The following RNF223 variants were observed in gnomAD, a reference collection of about 807,000 sequenced individuals.
RNF223 encodes ring finger protein 223.
RNF223 carries 10 observed loss-of-function variants against 13.9 expected under a neutral mutation model. The ratio of observed to expected loss-of-function variants is 0.72; its 90% CI spans 0.44 to 1.22. The LOEUF (loss-of-function observed/expected upper bound fraction) is 1.22, where lower values mean the gene tolerates loss of function less well. Among genes scored for constraint, RNF223 ranks in the 50% most tolerant of loss-of-function variants. RNF223 has a pLI of 0.00. For missense variants in RNF223, 379 were observed against 380.0 expected (o/e 1.00, Z 0.02); for synonymous variants, 168 against 173.3 (o/e 0.97, Z 0.24).
Position 1,071,946 on chromosome 1 carries a change from G to C in RNF223, c.621C>G (p.Leu207=), listed in dbSNP as rs918672795. Residue 207 remains leucine, a synonymous_variant, in exon 2 of 2, where the codon CTC becomes CTG. Transcript: ENST00000453464. ...GCACCGGCCAGAGTGCCACACAGAA[G>C]AGCATCAGCAGCAGGGCAGAGACCA... ...MALVSALLLM[L]FCVALWPVQC... The C allele has an allele frequency of 6.5e-7, 1 of 1,534,132 alleles. No homozygotes were observed. Among genetic ancestry groups the C allele is most frequent in the African/African-American group, 1.4e-5 (1 of 72,966 alleles).
At position 1,071,875 on chromosome 1, in the gene RNF223, G is replaced by A. The variant is rs534034872; in HGVS notation, c.692C>T (p.Pro231Leu). 20 of 1,529,862 alleles carry A rather than the reference G, an allele frequency of 1.3e-5. No homozygotes were observed. Among genetic ancestry groups the A allele is most frequent in the African/African-American group, 5.5e-5 (4 of 72,658 alleles). The allele number at this position is 1,529,862 out of a possible 1,614,324, so 94.8% of individuals were successfully genotyped here. A position where few individuals can be genotyped will look rare whatever the true frequency, so the allele number is the denominator to read the frequency against. ...GGCTGTGCTGGTGGCCGGGGGCCGG[G>A]GGGGCAGGGGCAGGCAGCGCAGGTT... Reference protein sequence around the residue: ...TGNLRCLPLPPRPPATSTAAS... With the variant: ...TGNLRCLPLPLRPPATSTAAS... Residue 231 changes from proline (P) to leucine (L), a missense_variant, in exon 2 of 2, where the codon CCC becomes CTC. Coordinates refer to ENST00000453464, the MANE Select transcript of RNF223 (RefSeq NM_001205252.2).
Position 1,071,823 on chromosome 1 carries a change from A to G in RNF223, c.744T>C (p.Asp248=), listed in dbSNP as rs4633229. The change falls in exon 2 of 2, where the codon GAT becomes GAC. Residue 248 remains aspartate, a synonymous_variant. Transcript: ENST00000453464. The part of the protein sequence containing the change: ...TAASPLGPLT[D]N ...TGGGCAGAGGCTGCTGGCCCTAATT[A>G]TCAGTCAGAGGCCCGAGGGGGGAGG... 0.79 allele frequency: 1,177,611 copies of G among 1,495,962 alleles called. 464,895 individuals carry two copies. Among genetic ancestry groups the G allele is most frequent in the East Asian group, 0.92 (35,123 of 38,336 alleles). 92.7% of individuals were successfully genotyped at this position (1,495,962 alleles called of 1,614,324 possible). A position where few individuals can be genotyped will look rare whatever the true frequency, so the allele number is the denominator to read the frequency against.
Position 1,071,872 on chromosome 1 carries a change from C to CGGGGGGGG in RNF223, c.694_695insCCCCCCCC (p.Arg232ProfsTer18). 9.1e-7 allele frequency: 1 copy of CGGGGGGGG among 1,098,460 alleles called. No homozygotes were observed. The allele number at this position is 1,098,460 out of a possible 1,614,324, so 68.0% of individuals were successfully genotyped here. On this transcript the variant is annotated frameshift_variant, in exon 2 of 2. Coordinates refer to ENST00000453464, the MANE Select transcript of RNF223 (RefSeq NM_001205252.2). LOFTEE classifies it high-confidence loss of function. ...GGCGGCTGTGCTGGTGGCCGGGGGC[C>CGGGGGGGG]GGGGGGGCAGGGGCAGGCAGCGCAG...
intron 1 of RNF223, among the ~76,000 whole-genome samples, chr1:1,072,942 C>A (rs947015350): frequency 2.6e-5 from 4 of 152,242 alleles, no homozygotes; most frequent in African/African-American, 4.8e-5. Flanking sequence ...TAGCCACAGT[C>A]GTCACTGTTT....
At chr1:1,072,688 C>G (rs919760185) in intron 1 of RNF223, 113 bp from the exon 2 acceptor site, 8 of 900,426 alleles carry the variant, frequency 8.9e-6, no homozygotes, top group African/African-American at 1.7e-5. Context: ...CTGTTTCCTG[C>G]GCGCCACTCC....
Position 1,074,132 on chromosome 1 carries a change from C to G in RNF223, c.-126G>C, listed in dbSNP as rs935952357. 6.6e-6 allele frequency: 1 copy of G among 152,304 alleles called. No individual in the cohort carries two copies. The allele number at this position is 152,304 out of a possible 1,614,324, so 9.4% of individuals were successfully genotyped here. ...TCTGCTTCCTCTTCTCCGGGCCCGG[C>G]CCGGCCTGTGCTTCACCCAGCAGGT... On this transcript the variant is annotated 5_prime_UTR_variant, in exon 1 of 2. Transcript: ENST00000453464.
At position 1,071,999 on chromosome 1, in the gene RNF223, G is replaced by A. The variant is rs1252970879; in HGVS notation, c.568C>T (p.Arg190Cys). The change falls in exon 2 of 2, where the codon CGC (arginine) becomes TGC (cysteine). Residue 190 changes from arginine (R) to cysteine (C), a missense_variant. By Grantham distance (180) the Arg-to-Cys change is radical. Transcript: ENST00000453464. Reference protein sequence around the residue: ...RRGRLARCWARCRDWRRMALV... With the variant: ...RRGRLARCWACCRDWRRMALV... ...GCCATGCGCCTCCAGTCCCTGCAGC[G>A]CGCCCAGCAGCGGGCCAGGCGGCCC... 5 of 1,507,880 alleles carry A rather than the reference G, an allele frequency of 3.3e-6. No individual in the cohort carries two copies. Among genetic ancestry groups the A allele is most frequent in the Middle Eastern group, 1.7e-4 (1 of 5,896 alleles). The allele number at this position is 1,507,880 out of a possible 1,614,324, so 93.4% of individuals were successfully genotyped here.
At position 1,071,222 on chromosome 1, in the gene RNF223, G is replaced by A. The variant is rs964731651; in HGVS notation, c.*595C>T. On this transcript the variant is annotated 3_prime_UTR_variant, in exon 2 of 2. Transcript: ENST00000453464. Reference sequence around the variant, plus strand: ...AGGCAGTTCACAGGGTGTGTGGGTGGGGGGGATGCTGACCAGCTGCTCTCC... The same window carrying A: ...AGGCAGTTCACAGGGTGTGTGGGTGAGGGGGATGCTGACCAGCTGCTCTCC... 6.6e-6 allele frequency: 1 copy of A among 152,294 alleles called. No individual in the cohort carries two copies. The highest frequency in any genetic ancestry group is 1.5e-5 in the Non-Finnish European group (1 of 68,138). The allele number at this position is 152,294 out of a possible 1,614,324, so 9.4% of individuals were successfully genotyped here.
Position 1,072,185 on chromosome 1 carries a change from G to A in RNF223, c.382C>T (p.His128Tyr). ...CACACAGGCTCCTCACGCCGCAAATGCGCCGGCATCCGGGCCTGCAGCTGG... is the reference window on the plus strand; with the variant it reads ...CACACAGGCTCCTCACGCCGCAAATACGCCGGCATCCGGGCCTGCAGCTGG... Reference protein sequence around the residue: ...SRQLQARMPAHLRREEPVWLE... With the variant: ...SRQLQARMPAYLRREEPVWLE... The change falls in exon 2 of 2, where the codon CAT (histidine) becomes TAT (tyrosine). Residue 128 changes from histidine to tyrosine, a missense_variant. Transcript: ENST00000453464. 2 of 1,504,464 alleles carry A rather than the reference G, an allele frequency of 1.3e-6. No homozygotes were observed. The highest frequency in any genetic ancestry group is 8.8e-7 in the Non-Finnish European group (1 of 1,133,056). 93.2% of individuals were successfully genotyped at this position (1,504,464 alleles called of 1,614,324 possible).
In RNF223 at chr1:1,071,796, C is replaced by T. The variant is rs2100727776; in HGVS notation, c.*21G>A. 1 of 1,466,656 alleles carries T rather than the reference C, an allele frequency of 6.8e-7. No individual in the cohort carries two copies. Among genetic ancestry groups the T allele is most frequent in the Non-Finnish European group, 9.0e-7 (1 of 1,113,722 alleles). The allele number at this position is 1,466,656 out of a possible 1,614,324, so 90.9% of individuals were successfully genotyped here. On this transcript the variant is annotated 3_prime_UTR_variant, in exon 2 of 2. Coordinates refer to ENST00000453464, the MANE Select transcript of RNF223 (RefSeq NM_001205252.2). The stretch of plus-strand genomic sequence containing the variant: ...CATGGAGCTGGGCGAGGGCGGCTGA[C>T]CTGGGCAGAGGCTGCTGGCCCTAAT...
intron 1 of RNF223, among the ~76,000 whole-genome samples, 184 bp downstream of exon 1, chr1:1,073,832 C>A (rs1645661923): frequency 6.6e-6 from 1 of 152,200 alleles, no homozygotes; most frequent in Admixed American, 6.5e-5. Context: ...ACTGTGACCA[C>A]CTGAGTCACA....
Position 1,071,780 on chromosome 1 carries a change from G to A in RNF223, c.*37C>T, listed in dbSNP as rs529863404. On this transcript the variant is annotated 3_prime_UTR_variant, in exon 2 of 2. Transcript: ENST00000453464. The stretch of plus-strand genomic sequence containing the variant: ...CCAGTGGGGGACGCCCCATGGAGCT[G>A]GGCGAGGGCGGCTGACCTGGGCAGA... 668 of 1,436,614 alleles carry A rather than the reference G, an allele frequency of 4.6e-4. 2 individuals carry two copies. The African/African-American group carries it at 7.8e-3, about 17-fold the overall frequency. 89.0% of individuals were successfully genotyped at this position (1,436,614 alleles called of 1,614,324 possible). A position where few individuals can be genotyped will look rare whatever the true frequency, so the allele number is the denominator to read the frequency against.
At chr1:1,073,350 C>G (rs914660334) in intron 1 of RNF223, among the ~76,000 whole-genome samples, 3 of 152,198 alleles carry the variant, frequency 2.0e-5, no homozygotes, top group African/African-American at 7.2e-5. Context: ...GCCGGCTTGT[C>G]TAGCTGCTGA....
chr1:1,072,480 G>A lies in RNF223; in HGVS notation c.87C>T (p.Ser29=). The A allele has an allele frequency of 6.5e-7, 1 of 1,531,178 alleles. No individual in the cohort carries two copies. Among genetic ancestry groups the A allele is most frequent in the East Asian group, 2.5e-5 (1 of 40,788 alleles). The allele number at this position is 1,531,178 out of a possible 1,614,324, so 94.8% of individuals were successfully genotyped here. The part of the protein sequence containing the change: ...SSIASMPRSP[S]SAGSPRSPGT... ...CAGGGGACCTGGGGCTGCCGGCCGAGCTGGGGGACCTGGGCATCGAGGCTA... is the reference window on the plus strand; with the variant it reads ...CAGGGGACCTGGGGCTGCCGGCCGAACTGGGGGACCTGGGCATCGAGGCTA... Residue 29 remains serine (S), a synonymous_variant, in exon 2 of 2, where the codon AGC becomes AGT. Transcript: ENST00000453464.
intron 1 of RNF223, among the ~76,000 whole-genome samples, chr1:1,073,218 G>T (rs1013736080): frequency 6.6e-6 from 1 of 152,230 alleles, no homozygotes; most frequent in Non-Finnish European, 1.5e-5. Flanking sequence ...GGGTGTGGGG[G>T]TCTCTGGGTC....
At position 1,072,046 on chromosome 1, in the gene RNF223, G is replaced by A; in HGVS notation, c.521C>T (p.Ala174Val). 6.7e-7 allele frequency: 1 copy of A among 1,489,050 alleles called. No individual in the cohort carries two copies. The highest frequency in any genetic ancestry group is 8.9e-7 in the Non-Finnish European group (1 of 1,126,596). 92.2% of individuals were successfully genotyped at this position (1,489,050 alleles called of 1,614,324 possible). The change falls in exon 2 of 2, where the codon GCC becomes GTC. Residue 174 changes from alanine (A) to valine (V), a missense_variant. Coordinates refer to ENST00000453464, the MANE Select transcript of RNF223 (RefSeq NM_001205252.2). ...LSKPAEPPAP[A>V]RDPAPRRGRL... ...GCCCCGGCGGGGGGCAGGGTCCCGG[G>A]CGGGCGCGGGCGGCTCGGCAGGCTT... is the stretch of plus-strand genomic sequence containing the variant.
chr1:1,072,005 A>G lies in RNF223; in HGVS notation c.562T>C (p.Trp188Arg), dbSNP rs750459695. The change falls in exon 2 of 2, where the codon TGG becomes CGG. Residue 188 changes from tryptophan (W) to arginine (R), a missense_variant. By Grantham distance (101) the Trp-to-Arg change is moderately radical (BLOSUM62 -3). Coordinates refer to ENST00000453464, the MANE Select transcript of RNF223 (RefSeq NM_001205252.2). ...APRRGRLARC[W>R]ARCRDWRRMA... ...CGCCTCCAGTCCCTGCAGCGCGCCCAGCAGCGGGCCAGGCGGCCCCGGCGG... is the reference window on the plus strand; with the variant it reads ...CGCCTCCAGTCCCTGCAGCGCGCCCGGCAGCGGGCCAGGCGGCCCCGGCGG... 2 of 1,505,154 alleles carry G rather than the reference A, an allele frequency of 1.3e-6. No homozygotes were observed. The highest frequency in any genetic ancestry group is 2.5e-5 in the South Asian group (2 of 79,642). The allele number at this position is 1,505,154 out of a possible 1,614,324, so 93.2% of individuals were successfully genotyped here. A position where few individuals can be genotyped will look rare whatever the true frequency, so the allele number is the denominator to read the frequency against.
chr1:1,072,293 C>G lies in RNF223; in HGVS notation c.274G>C (p.Gly92Arg), dbSNP rs867699606. Reference protein sequence around the residue: ...LAAAQPVGRPGGEAVPCPFCR... With the variant: ...LAAAQPVGRPRGEAVPCPFCR... Reference sequence around the variant, plus strand: ...AAGGGGCAAGGTACAGCCTCACCACCGGGGCGGCCCACAGGCTGAGCAGCC... The same window carrying G: ...AAGGGGCAAGGTACAGCCTCACCACGGGGGCGGCCCACAGGCTGAGCAGCC... The change falls in exon 2 of 2, where the codon GGT becomes CGT. Residue 92 changes from glycine to arginine, a missense_variant. Coordinates refer to ENST00000453464, the MANE Select transcript of RNF223 (RefSeq NM_001205252.2). The G allele has an allele frequency of 6.9e-7, 1 of 1,443,072 alleles. No individual in the cohort carries two copies. The highest frequency in any genetic ancestry group is 1.5e-5 in the African/African-American group (1 of 68,904). The allele number at this position is 1,443,072 out of a possible 1,614,324, so 89.4% of individuals were successfully genotyped here. A position where few individuals can be genotyped will look rare whatever the true frequency, so the allele number is the denominator to read the frequency against.
In RNF223 at chr1:1,072,007, C is replaced by T. The variant is rs760855379; in HGVS notation, c.560G>A (p.Cys187Tyr). Residue 187 changes from cysteine to tyrosine, a missense_variant, in exon 2 of 2, where the codon TGC becomes TAC. By Grantham distance (194) the Cys-to-Tyr change is radical. Transcript: ENST00000453464. ...CCTCCAGTCCCTGCAGCGCGCCCAG[C>T]AGCGGGCCAGGCGGCCCCGGCGGGG... is the stretch of plus-strand genomic sequence containing the variant. ...PAPRRGRLAR[C>Y]WARCRDWRRM... The T allele has an allele frequency of 4.7e-6, 7 of 1,503,712 alleles. No homozygotes were observed. In the South Asian group the frequency reaches 6.3e-5, roughly 14 times the overall value. The allele number at this position is 1,503,712 out of a possible 1,614,324, so 93.1% of individuals were successfully genotyped here.
Sources: allele counts gnomAD v4.1 joint callset (sites outside exome capture counted in the v4.1 genomes callset), GRCh38; gene constraint gnomAD v4.1.1; transcripts MANE v1.5; gene names NCBI Gene and HGNC (gene_info 2026-07-23, HGNC 2026-07-21).